SLC24A3: variants seen among roughly 807,000 people sequenced by gnomAD.
SLC24A3 encodes the protein solute carrier family 24 member 3.
In SLC24A3, 28 loss-of-function variants were observed where a neutral mutation model predicts 75.8. The observed-to-expected ratio is 0.37, with a 90% CI of 0.27 to 0.51. The LOEUF is 0.51. SLC24A3 is among the 20% of genes least tolerant of loss of function. The pLI is 0.94. For synonymous variants in SLC24A3, 372 were observed against 334.1 expected, an observed-to-expected ratio of 1.11 and a Z score of -1.24; for missense variants, 663 against 847.8, an observed-to-expected ratio of 0.78 and a Z score of 2.71.
At chr20:19,326,582 T>G (rs573464643) in intron 2 of SLC24A3, among the ~76,000 whole-genome samples, 1 of 150,866 alleles carries the variant, frequency 6.6e-6, no homozygotes, top group South Asian at 2.1e-4. Context: ...CTTTTCTTTT[T>G]TTTTTTTTTT....
At chr20:19,254,456 C>T (rs1466800413) in intron 1 of SLC24A3, among the ~76,000 whole-genome samples, 2 of 152,126 alleles carry the variant, frequency 1.3e-5, no homozygotes, top group Admixed American at 6.5e-5. Context: ...TGGGTAGGCA[C>T]GTTTTGGGGA....
intron 1 of SLC24A3, among the ~76,000 whole-genome samples, chr20:19,225,049 T>C (rs538022015): frequency 7.9e-5 from 12 of 152,288 alleles, no homozygotes; most frequent in Non-Finnish European, 1.3e-4. Flanking sequence ...TGCTCCTAGG[T>C]TGCTTTAGAA....
At chr20:19,554,462 T>C (rs1374392694) in intron 3 of SLC24A3, among the ~76,000 whole-genome samples, 1 of 152,182 alleles carries the variant, frequency 6.6e-6, no homozygotes, top group Admixed American at 6.5e-5. Context: ...GATAATATTG[T>C]GATGGTAGAA....
rs746721483 is a variant in SLC24A3, at chr20:19,213,012, G to A, written c.142+28G>A. On this transcript the variant is annotated intron_variant, in intron 1 of 16. Transcript: ENST00000328041. ...GAGTGCACGCTGCCTGCCCCGAGTG[G>A]GCGCTGCGGCTCCGGCGGCTCGGGG... The A allele has an allele frequency of 3.2e-5, 39 of 1,237,256 alleles. No individual in the cohort carries two copies. The Admixed American group carries it at 6.0e-4, about 19-fold the overall frequency. 76.6% of individuals were successfully genotyped at this position (1,237,256 alleles called of 1,614,324 possible). A position where few individuals can be genotyped will look rare whatever the true frequency, so the allele number is the denominator to read the frequency against.
At chr20:19,291,755 C>T (rs897532600) in intron 2 of SLC24A3, among the ~76,000 whole-genome samples, 2 of 152,194 alleles carry the variant, frequency 1.3e-5, no homozygotes, top group African/African-American at 2.4e-5. Context: ...GCTCCCCAGC[C>T]CTGGGCCTGC....
At chr20:19,619,374 T>TC (rs1429583744) in intron 6 of SLC24A3, among the ~76,000 whole-genome samples, 1 of 152,146 alleles carries the variant, frequency 6.6e-6, no homozygotes, top group Non-Finnish European at 1.5e-5. Flanking sequence ...AGATGTTCTC[T>TC]CCCCAACTGT....
At chr20:19,416,165 C>T (rs117753675) in intron 2 of SLC24A3, among the ~76,000 whole-genome samples, 10 of 152,346 alleles carry the variant, frequency 6.6e-5, no homozygotes, top group Non-Finnish European at 1.2e-4. Context: ...CCATCCCCCA[C>T]CACCTCACCA....
At chr20:19,668,006 C>T (rs1178415503) in intron 8 of SLC24A3, among the ~76,000 whole-genome samples, 1 of 152,168 alleles carries the variant, frequency 6.6e-6, no homozygotes, top group Admixed American at 6.5e-5. Context: ...TTGCAAATCC[C>T]CTCGTGTGTC....
At chr20:19,298,265 C>T (rs909034065) in intron 2 of SLC24A3, among the ~76,000 whole-genome samples, 7 of 152,198 alleles carry the variant, frequency 4.6e-5, no homozygotes, top group East Asian at 1.9e-4. Context: ...GGAAGGAATA[C>T]GATCGTCATT....
intron 6 of SLC24A3, among the ~76,000 whole-genome samples, chr20:19,608,045 C>G (rs2122659925): frequency 6.6e-6 from 1 of 152,344 alleles, no homozygotes; most frequent in Non-Finnish European, 1.5e-5. Context: ...ACCCATCTCC[C>G]AATTTTAAAA....
At chr20:19,706,303 A>C (rs1399926023) in intron 15 of SLC24A3, among the ~76,000 whole-genome samples, 2 of 152,204 alleles carry the variant, frequency 1.3e-5, no homozygotes, top group African/African-American at 4.8e-5. Context: ...ATGCTCCTGG[A>C]CCTACAGCTA....
At chr20:19,399,281 T>C (rs1255585684) in intron 2 of SLC24A3, among the ~76,000 whole-genome samples, 2 of 152,132 alleles carry the variant, frequency 1.3e-5, no homozygotes, top group African/African-American at 4.8e-5. Context: ...TATTATTTTC[T>C]ATCTTCTACT....
chr20:19,721,295 C>T lies in SLC24A3; in HGVS notation c.*155C>T, dbSNP rs1429702453. 4 of 910,342 alleles carry T rather than the reference C, an allele frequency of 4.4e-6. No homozygotes were observed. In the East Asian group the frequency reaches 1.1e-4, roughly 24 times the overall value. The allele number at this position is 910,342 out of a possible 1,614,324, so 56.4% of individuals were successfully genotyped here. On this transcript the variant is annotated 3_prime_UTR_variant, in exon 17 of 17. Transcript: ENST00000328041. ...CCTGTTTTGGTGGCCCAGGCTCTCC[C>T]CTGACCCATCCTCGCTCCCCCACCT... is the stretch of plus-strand genomic sequence containing the variant.
chr20:19,598,551 G>A (rs2031480603), intron 6 of SLC24A3, among the ~76,000 whole-genome samples: 4 of 151,990 alleles, frequency 2.6e-5, no homozygotes, highest in South Asian at 4.2e-4. Context: ...CCTGGGAGAG[G>A]AGAAAGAATA....
chr20:19,478,067 G>T (rs1987991112), intron 2 of SLC24A3, among the ~76,000 whole-genome samples: 1 of 152,180 alleles, frequency 6.6e-6, no homozygotes. Context: ...CTCATTTATT[G>T]CCATCTGTCA....
At chr20:19,671,843 G>C (rs1376641751) in intron 8 of SLC24A3, among the ~76,000 whole-genome samples, 1 of 151,946 alleles carries the variant, frequency 6.6e-6, no homozygotes, top group African/African-American at 2.4e-5. Context: ...GTCAGGATGA[G>C]GTCACCTAGG....
At chr20:19,494,364 G>A (rs760246644) in intron 2 of SLC24A3, among the ~76,000 whole-genome samples, 12 of 152,204 alleles carry the variant, frequency 7.9e-5, no homozygotes, top group Admixed American at 1.3e-4. Flanking sequence ...TACAAAATTA[G>A]TGGAGGGAAG....
intron 2 of SLC24A3, among the ~76,000 whole-genome samples, chr20:19,433,122 T>G (rs575319158): frequency 6.6e-6 from 1 of 152,334 alleles, no homozygotes; most frequent in African/African-American, 2.4e-5. Context: ...CACTCAGGAT[T>G]TAATGGAACA....
At chr20:19,343,357 A>G (rs942385648) in intron 2 of SLC24A3, among the ~76,000 whole-genome samples, 2 of 152,150 alleles carry the variant, frequency 1.3e-5, no homozygotes, top group Non-Finnish European at 2.9e-5. Context: ...CACCTACTCT[A>G]TGTGTTTTCA....
Sources: allele counts gnomAD v4.1 joint callset (sites outside exome capture counted in the v4.1 genomes callset), GRCh38; gene constraint gnomAD v4.1.1; transcripts MANE v1.5; gene names NCBI Gene and HGNC (gene_info 2026-07-23, HGNC 2026-07-21).